SSR4: variants seen among roughly 807,000 people sequenced by gnomAD.
SSR4 encodes signal sequence receptor subunit 4, also known as translocon-associated protein subunit delta.
For synonymous variants in SSR4, 84 were observed against 65.6 expected (o/e 1.28, Z -1.35); for missense variants, 125 against 148.8 (o/e 0.84, Z 0.83).
chrX:153,795,650 A>G (rs936905628), intron 1 of SSR4: 197 of 753,219 alleles, frequency 2.6e-4, no homozygotes, highest in Non-Finnish European at 3.0e-4. Context: ...AACTGCCTCC[A>G]CGCTGTTCCT....
chrX:153,796,624 T>C lies in SSR4; in HGVS notation c.186+72T>C, dbSNP rs1031108691. ...TCACTGCTAGTTGATGGGGGACCTG[T>C]GTCGATAGAGGGAGAATCAAGATTC... is the stretch of plus-strand genomic sequence containing the variant. On this transcript the variant is annotated intron_variant, in intron 2 of 5. Coordinates refer to ENST00000370086, the MANE Select transcript of SSR4 (RefSeq NM_006280.3). 2.3e-5 allele frequency: 18 copies of C among 787,456 alleles called. No individual in the cohort carries two copies. The Admixed American group carries it at 2.5e-4, about 11-fold the overall frequency. The allele number at this position is 787,456 out of a possible 1,213,427, so 64.9% of individuals were successfully genotyped here.
chrX:153,796,727 C>T, intron 2 of SSR4, 175 bp downstream of exon 2: 1 of 455,106 alleles, frequency 2.2e-6, no homozygotes, highest in South Asian at 3.2e-5. Flanking sequence ...CCTTCCTCAC[C>T]TGCTTTGTGT....
intron 1 of SSR4, chrX:153,795,141 T>C (rs1411332173): frequency 5.9e-5 from 11 of 185,125 alleles, no homozygotes; most frequent in South Asian, 4.2e-4. Context: ...GGGACCTCAG[T>C]GAGGAGAGGG....
At chrX:153,795,858 C>CAAGG (rs782016237) in intron 1 of SSR4, 1 of 752,897 alleles carries the variant, frequency 1.3e-6, no homozygotes, top group East Asian at 1.5e-4. Context: ...AAGGCTAAGG[C>CAAGG]AAGGTCCTTT....
upstream of SSR4, chrX:153,794,429 C>G (rs2092125208): frequency 8.8e-7 from 1 of 1,135,179 alleles, no homozygotes; most frequent in African/African-American, 1.8e-5. Context: ...CCCGGTACTG[C>G]GCACGCGCGC....
chrX:153,797,558 AG>A (rs782338888), intron 3 of SSR4, 26 bp downstream of exon 3: 6 of 1,190,379 alleles, frequency 5.0e-6, no homozygotes, highest in Non-Finnish European at 6.8e-6. Context: ...TTCCCTTGCT[AG>A]GGGGCTCCCT....
chrX:153,798,272 T>C (rs2092155085), intron 5 of SSR4, 57 bp from the exon 6 acceptor site: 1 of 1,187,513 alleles, frequency 8.4e-7, no homozygotes, highest in Non-Finnish European at 1.1e-6. Flanking sequence ...TGACCAGGGC[T>C]GGCTGGTCTG....
upstream of SSR4, chrX:153,794,229 G>T: frequency 1.7e-6 from 2 of 1,176,831 alleles, no homozygotes; most frequent in Non-Finnish European, 2.3e-6. Flanking sequence ...CGGTCCCGTG[G>T]CTCTTTCCCT....
At chrX:153,795,009 C>T (rs2092130896) in intron 1 of SSR4, 7 of 408,595 alleles carry the variant, frequency 1.7e-5, no homozygotes, top group Non-Finnish European at 2.6e-5. Context: ...CCCCAAGCTG[C>T]AGCACGGAAC....
intron 1 of SSR4, chrX:153,795,774 T>C: frequency 2.6e-6 from 2 of 754,882 alleles, no homozygotes; most frequent in Non-Finnish European, 3.1e-6. Context: ...ACATTCCCAC[T>C]TTGGGGAGCC....
intron 3 of SSR4, 85 bp from the exon 4 acceptor site, chrX:153,797,640 C>T: frequency 9.0e-7 from 1 of 1,115,272 alleles, no homozygotes; most frequent in Non-Finnish European, 1.2e-6. Flanking sequence ...GCTCTGGCTG[C>T]CGGAGTGCTG....
intron 4 of SSR4, 52 bp downstream of exon 4, chrX:153,797,866 G>A: frequency 1.9e-6 from 2 of 1,058,783 alleles, no homozygotes; most frequent in Non-Finnish European, 2.6e-6. Flanking sequence ...GAGCAGGATG[G>A]GCTGGGTTGG....
In SSR4 at chrX:153,796,766, T is replaced by A. The variant is rs577223335; in HGVS notation, c.186+214T>A. 1.2e-3 allele frequency: 478 copies of A among 393,542 alleles called. 4 individuals are homozygous for A. In the South Asian group the frequency reaches 0.02, roughly 17 times the overall value. 32.4% of individuals were successfully genotyped at this position (393,542 alleles called of 1,213,427 possible). A position where few individuals can be genotyped will look rare whatever the true frequency, so the allele number is the denominator to read the frequency against. On this transcript the variant is annotated intron_variant, in intron 2 of 5. Coordinates refer to ENST00000370086, the MANE Select transcript of SSR4 (RefSeq NM_006280.3). ...GTGCCTACACGAGGTAACCCTGGGC[T>A]CACCACCCGCTGTTTCCTGAATGAG...
At chrX:153,797,702 A>G in intron 3 of SSR4, 23 bp from the exon 4 acceptor site, 1 of 1,199,496 alleles carries the variant, frequency 8.3e-7, no homozygotes, top group African/African-American at 1.8e-5. Context: ...CTCTGCCCAC[A>G]CTCTGCTCAA....
upstream of SSR4, chrX:153,794,498 G>T (rs967124453): frequency 2.6e-6 from 3 of 1,159,341 alleles, no homozygotes; most frequent in South Asian, 1.9e-5. Flanking sequence ...CCATGTTGAG[G>T]GGGGGACCGC....
Position 153,797,545 on chromosome X carries a change from T to A in SSR4, c.261+13T>A, listed in dbSNP as rs782372101. ...GGGGCGTTATCAGGTGAGGGGCCAA[T>A]GGTTCCCTTGCTAGGGGGCTCCCTG... On this transcript the variant is annotated intron_variant, in intron 3 of 5. Coordinates refer to ENST00000370086, the MANE Select transcript of SSR4 (RefSeq NM_006280.3). The A allele has an allele frequency of 4.2e-6, 5 of 1,203,614 alleles. No individual in the cohort carries two copies. Among genetic ancestry groups the A allele is most frequent in the Non-Finnish European group, 5.6e-6 (5 of 888,160 alleles).
intron 2 of SSR4, chrX:153,797,252 C>T (rs782284035): frequency 1.4e-5 from 6 of 438,565 alleles, no homozygotes; most frequent in African/African-American, 7.4e-5. Flanking sequence ...CCATGGGGAT[C>T]TGGCCTTGTG....
intron 1 of SSR4, chrX:153,795,141 T>G: frequency 5.4e-6 from 1 of 185,855 alleles, no homozygotes; most frequent in Non-Finnish European, 1.0e-5. Flanking sequence ...GGGACCTCAG[T>G]GAGGAGAGGG....
At chrX:153,795,152 A>C (rs782131267) in intron 1 of SSR4, 48 of 169,586 alleles carry the variant, frequency 2.8e-4, no homozygotes, top group Non-Finnish European at 4.6e-4. Context: ...GAGGAGAGGG[A>C]GCAAGAGCGG....
Sources: gnomAD v4.1 joint callset for allele counts on GRCh38, gnomAD v4.1.1 for gene constraint, MANE v1.5 for transcripts, NCBI Gene and HGNC (gene_info 2026-07-23, HGNC 2026-07-21) for gene names.